FSTL1: variants seen among roughly 807,000 people sequenced by gnomAD.
FSTL1 encodes follistatin like 1, also known as follistatin-related protein 1.
In FSTL1, 24 loss-of-function variants were observed where a neutral mutation model predicts 45.9. The ratio of observed to expected loss-of-function variants is 0.52; its 90% confidence interval spans 0.38 to 0.74. The LOEUF (loss-of-function observed/expected upper bound fraction) is 0.74, where lower values mean the gene tolerates loss of function less well. Among genes scored for constraint, FSTL1 ranks in the 30% least tolerant of loss-of-function variants. FSTL1 has a pLI of 0.00. For synonymous variants in FSTL1, 120 were observed against 137.6 expected (o/e 0.87, Z 0.89); for missense variants, 340 against 381.8 (o/e 0.89, Z 0.91).
intron 2 of FSTL1, among the ~76,000 whole-genome samples, chr3:120,420,906 A>G (rs907477879): frequency 9.2e-5 from 14 of 152,204 alleles, no homozygotes; most frequent in African/African-American, 3.4e-4. Flanking sequence ...CTCTTTACAA[A>G]TCAAAGCCAG....
At chr3:120,409,399 C>A in intron 6 of FSTL1, 133 bp downstream of exon 6, 1 of 787,808 alleles carries the variant, frequency 1.3e-6, no homozygotes. Flanking sequence ...CATGAATGAT[C>A]TATGATGAGG....
Position 120,415,139 on chromosome 3 carries a change from T to G in FSTL1, c.168+784A>C, listed in dbSNP as rs540946292. On this transcript the variant is annotated intron_variant, in intron 3 of 10. Transcript: ENST00000295633. ...TTGTTTTTCAAAAAAAAAAAAACAT[T>G]AAAAAAAAAAAACCCTGCATCTCAT... Among the ~76,000 whole-genome samples, 251 of 142,962 alleles carry G rather than the reference T, an allele frequency of 1.8e-3. 8 individuals carry two copies. The South Asian group carries it at 0.054, about 31-fold the overall frequency. The allele number at this position is 142,962 out of a possible 152,430, so 93.8% of individuals were successfully genotyped here. A position where few individuals can be genotyped will look rare whatever the true frequency, so the allele number is the denominator to read the frequency against.
rs1936711965 is a variant in FSTL1 at position 120,396,864 on chromosome 3, G to T, written c.*88C>A. 2.3e-6 allele frequency: 2 copies of T among 883,026 alleles called. No homozygotes were observed. Among genetic ancestry groups the T allele is most frequent in the Admixed American group, 3.8e-5 (2 of 52,672 alleles). The allele number at this position is 883,026 out of a possible 1,614,324, so 54.7% of individuals were successfully genotyped here. A position where few individuals can be genotyped will look rare whatever the true frequency, so the allele number is the denominator to read the frequency against. On this transcript the variant is annotated 3_prime_UTR_variant, in exon 11 of 11. Transcript: ENST00000295633. The stretch of plus-strand genomic sequence containing the variant: ...CTATATAAGCAAATACTGGTGATTT[G>T]GCGACTGTAGCAGACACTTGTGTAT...
At chr3:120,436,682 G>A (rs1468436053) in intron 2 of FSTL1, among the ~76,000 whole-genome samples, 1 of 152,214 alleles carries the variant, frequency 6.6e-6, no homozygotes, top group African/African-American at 2.4e-5. Context: ...CTAGAGGAAG[G>A]GGAACAAAGC....
chr3:120,400,418 C>T (rs1936798853), intron 9 of FSTL1, among the ~76,000 whole-genome samples: 1 of 152,214 alleles, frequency 6.6e-6, no homozygotes, highest in Non-Finnish European at 1.5e-5. Context: ...TATTTTTTTA[C>T]AAGTCTTTCT....
chr3:120,419,503 G>A (rs902946509), intron 2 of FSTL1: 4 of 152,216 alleles, frequency 2.6e-5, no homozygotes, highest in Non-Finnish European at 2.9e-5. Context: ...TGGGGGAAAA[G>A]AACACCTTGA....
At chr3:120,407,481 A>C (rs773959485) in intron 6 of FSTL1, among the ~76,000 whole-genome samples, 2 of 152,224 alleles carry the variant, frequency 1.3e-5, no homozygotes, top group Non-Finnish European at 1.5e-5. Flanking sequence ...TTCACCTAAG[A>C]AACAGTGACT....
chr3:120,425,872 A>G (rs1364685454), intron 2 of FSTL1, among the ~76,000 whole-genome samples: 1 of 152,184 alleles, frequency 6.6e-6, no homozygotes, highest in Non-Finnish European at 1.5e-5. Flanking sequence ...TGGAACCCCA[A>G]TTGAGTGTCC....
chr3:120,417,652 T>C (rs1404305694), intron 2 of FSTL1, among the ~76,000 whole-genome samples: 1 of 152,084 alleles, frequency 6.6e-6, no homozygotes, highest in Non-Finnish European at 1.5e-5. Context: ...GGCCCTCTTG[T>C]GGAAACTGTG....
At chr3:120,409,453 G>A in intron 6 of FSTL1, 79 bp downstream of exon 6, 1 of 1,258,362 alleles carries the variant, frequency 7.9e-7, no homozygotes, top group South Asian at 1.3e-5. Context: ...TGTGGTCTGG[G>A]AAGGTGTGAT....
intron 2 of FSTL1, among the ~76,000 whole-genome samples, chr3:120,442,793 A>G (rs1173932156): frequency 1.2e-4 from 18 of 148,414 alleles, no homozygotes; most frequent in Non-Finnish European, 2.2e-4. Context: ...AAAAAGAAAA[A>G]AAAAAAAAAA....
chr3:120,444,648 TAA>T (rs1232357478), intron 2 of FSTL1, among the ~76,000 whole-genome samples: 1 of 149,742 alleles, frequency 6.7e-6, no homozygotes, highest in Admixed American at 6.6e-5. Flanking sequence ...TTTATTTAAA[TAA>T]AAAAGTTAAT....
chr3:120,416,826 C>T (rs1020964878), intron 2 of FSTL1, among the ~76,000 whole-genome samples: 3 of 152,182 alleles, frequency 2.0e-5, no homozygotes, highest in African/African-American at 7.2e-5. Flanking sequence ...CCTGTTCAGA[C>T]GTGTGCAGCA....
Position 120,444,741 on chromosome 3 carries a change from T to A in FSTL1, c.63+5943A>T, listed in dbSNP as rs1937700518. On this transcript the variant is annotated intron_variant, in intron 2 of 10. Coordinates refer to ENST00000295633, the MANE Select transcript of FSTL1 (RefSeq NM_007085.5). Reference sequence around the variant, plus strand: ...ATATAGAAAAGACTAGAGCAAAGAATAAAATGACCCATAAATCCACTACCT... The same window carrying A: ...ATATAGAAAAGACTAGAGCAAAGAAAAAAATGACCCATAAATCCACTACCT... 1.3e-5 allele frequency among the ~76,000 whole-genome samples: 2 copies of A among 150,096 alleles called. 1 individual carries two copies. Among genetic ancestry groups the A allele is most frequent in the African/African-American group, 5.1e-5 (2 of 39,398 alleles).
At chr3:120,426,306 A>C (rs904442909) in intron 2 of FSTL1, among the ~76,000 whole-genome samples, 2 of 152,158 alleles carry the variant, frequency 1.3e-5, no homozygotes, top group African/African-American at 2.4e-5. Flanking sequence ...CAACATCCCT[A>C]CACATTCCCA....
At chr3:120,397,026 T>G in intron 10 of FSTL1, 30 bp from the exon 11 acceptor site, 3 of 1,557,362 alleles carry the variant, frequency 1.9e-6, no homozygotes, top group Non-Finnish European at 2.7e-6. Flanking sequence ...ATAGGCGTCA[T>G]GGAAATATTA....
At chr3:120,421,979 T>G (rs1317648937) in intron 2 of FSTL1, among the ~76,000 whole-genome samples, 2 of 152,190 alleles carry the variant, frequency 1.3e-5, no homozygotes, top group South Asian at 2.1e-4. Context: ...TTCATGGTAA[T>G]CCAACTCCCC....
Position 120,401,073 on chromosome 3 carries a change from C to T in FSTL1, c.806-1114G>A, listed in dbSNP as rs532777118. ...GCCAACTGCATACCAACTGCCTGCA[C>T]CTTAGAAATGGAGGGCTACCTTTAC... On this transcript the variant is annotated intron_variant, in intron 9 of 10. Transcript: ENST00000295633. 2.0e-5 allele frequency among the ~76,000 whole-genome samples: 3 copies of T among 152,316 alleles called. No homozygotes were observed. The South Asian group carries it at 6.2e-4, about 32-fold the overall frequency.
intron 2 of FSTL1, among the ~76,000 whole-genome samples, chr3:120,448,209 AT>A (rs1431205445): frequency 2.0e-5 from 3 of 152,370 alleles, no homozygotes; most frequent in Middle Eastern, 3.4e-3. Context: ...TCTAAATTTC[AT>A]TTCTAAAAAG....
Sources: allele counts gnomAD v4.1 joint callset (sites outside exome capture counted in the v4.1 genomes callset), GRCh38; gene constraint gnomAD v4.1.1; transcripts MANE v1.5; gene names NCBI Gene and HGNC (gene_info 2026-07-23, HGNC 2026-07-21).